Variants in DOCK1 observed in about 807,000 individuals in gnomAD.
DOCK1 encodes the protein dedicator of cytokinesis 1.
Under a neutral mutation model 262.7 loss-of-function variants are expected in DOCK1, and 138 were observed. That is an observed-to-expected ratio of 0.53 (90% CI 0.46 to 0.61). The LOEUF is 0.61. DOCK1 is among the 20% of genes least tolerant of loss of function. DOCK1 has a pLI of 0.00. For missense variants in DOCK1, 1,908 were observed against 2,370.7 expected, an observed-to-expected ratio of 0.80 and a Z score of 4.05; for synonymous variants, 866 against 867.4, an observed-to-expected ratio of 1.00 and a Z score of 0.03.
At chr10:127,285,781 C>T (rs948799633) in intron 29 of DOCK1, among the ~76,000 whole-genome samples, 2 of 152,248 alleles carry the variant, frequency 1.3e-5, no homozygotes, top group Non-Finnish European at 2.9e-5. Context: ...TCAGAGTGTG[C>T]TTCCACAGTC....
chr10:127,377,354 T>C (rs2065553211), intron 35 of DOCK1, among the ~76,000 whole-genome samples: 1 of 152,112 alleles, frequency 6.6e-6, no homozygotes, highest in Non-Finnish European at 1.5e-5. Flanking sequence ...TGTATAACCA[T>C]CTCTAAATGA....
At chr10:127,128,693 ATCCATG>A (rs2050126162) in intron 27 of DOCK1, among the ~76,000 whole-genome samples, 1 of 152,076 alleles carries the variant, frequency 6.6e-6, no homozygotes, top group African/African-American at 2.4e-5. Context: ...TTCCAGCTTC[ATCCATG>A]TCCCTGCAAA....
chr10:127,091,176 G>C (rs2047508350), intron 23 of DOCK1, among the ~76,000 whole-genome samples: 1 of 151,962 alleles, frequency 6.6e-6, no homozygotes, highest in Admixed American at 6.6e-5. Context: ...GTAGAGACGG[G>C]GTTTCACCAT....
chr10:127,407,269 C>T (rs570264137), intron 40 of DOCK1, among the ~76,000 whole-genome samples: 37 of 152,168 alleles, frequency 2.4e-4, no homozygotes, highest in Admixed American at 3.3e-4. Flanking sequence ...TTCACAGTTC[C>T]GGAGGCTGGG....
chr10:126,920,083 G>T (rs2033026911), intron 1 of DOCK1, among the ~76,000 whole-genome samples: 1 of 152,152 alleles, frequency 6.6e-6, no homozygotes, highest in Non-Finnish European at 1.5e-5. Context: ...CCCACTGGGG[G>T]CTCCATCCCG....
intron 10 of DOCK1, among the ~76,000 whole-genome samples, chr10:127,002,586 C>A (rs934599041): frequency 6.6e-6 from 1 of 152,094 alleles, no homozygotes; most frequent in African/African-American, 2.4e-5. Flanking sequence ...GGTTGGGCCC[C>A]CCAGCTCCTG....
At chr10:127,056,512 AT>A (rs2045157839) in intron 22 of DOCK1, among the ~76,000 whole-genome samples, 1 of 151,952 alleles carries the variant, frequency 6.6e-6, no homozygotes, top group Non-Finnish European at 1.5e-5. Context: ...GGGGATGTTG[AT>A]ACTCATGTTC....
At chr10:127,442,563 T>C (rs1485856733) in intron 49 of DOCK1, among the ~76,000 whole-genome samples, 1 of 152,012 alleles carries the variant, frequency 6.6e-6, no homozygotes, top group East Asian at 1.9e-4. Context: ...GGGAAAGGGC[T>C]TAGGTGGGGG....
intron 16 of DOCK1, among the ~76,000 whole-genome samples, chr10:127,028,270 G>C (rs1209561710): frequency 6.6e-6 from 1 of 152,172 alleles, no homozygotes; most frequent in Non-Finnish European, 1.5e-5. Context: ...CAGGCTACCA[G>C]ACCCCAGACC....
chr10:127,034,576 G>A (rs2043462755), intron 18 of DOCK1, among the ~76,000 whole-genome samples: 1 of 152,172 alleles, frequency 6.6e-6, no homozygotes, highest in Non-Finnish European at 1.5e-5. Context: ...GTCTCTGGAT[G>A]TGGCCTTGAT....
At chr10:126,985,758 C>G (rs2039336470) in intron 4 of DOCK1, among the ~76,000 whole-genome samples, 1 of 152,182 alleles carries the variant, frequency 6.6e-6, no homozygotes, top group Non-Finnish European at 1.5e-5. Flanking sequence ...AGCATCCTTA[C>G]TGGGAAACTT....
intron 1 of DOCK1, among the ~76,000 whole-genome samples, chr10:126,946,680 T>C (rs1294942562): frequency 1.3e-5 from 2 of 152,238 alleles, no homozygotes; most frequent in African/African-American, 4.8e-5. Context: ...TTTGTCCTTT[T>C]GTGCCTGGCT....
intron 31 of DOCK1, 60 bp from the exon 32 acceptor site, chr10:127,354,609 A>G (rs896523855): frequency 8.7e-6 from 14 of 1,600,650 alleles, no homozygotes; most frequent in African/African-American, 1.3e-5. Flanking sequence ...AAATAATTCC[A>G]GTCCGATTTT....
At chr10:126,928,675 C>T (rs1022262161) in intron 1 of DOCK1, among the ~76,000 whole-genome samples, 34 of 152,312 alleles carry the variant, frequency 2.2e-4, no homozygotes, top group Non-Finnish European at 4.3e-4. Flanking sequence ...TGCGTGATGT[C>T]CTTGTTAAGA....
At chr10:127,371,638 A>C (rs1308520846) in intron 33 of DOCK1, among the ~76,000 whole-genome samples, 1 of 152,244 alleles carries the variant, frequency 6.6e-6, no homozygotes, top group African/African-American at 2.4e-5. Context: ...CTCATTAAAC[A>C]TACATGAAAT....
At chr10:127,164,962 A>G (rs535822049) in intron 27 of DOCK1, among the ~76,000 whole-genome samples, 3 of 152,322 alleles carry the variant, frequency 2.0e-5, no homozygotes, top group African/African-American at 7.2e-5. Flanking sequence ...TGATTAACTT[A>G]TTTTCCTGGA....
intron 10 of DOCK1, among the ~76,000 whole-genome samples, chr10:127,003,080 T>C (rs1330369825): frequency 6.7e-6 from 1 of 148,544 alleles, no homozygotes; most frequent in Non-Finnish European, 1.5e-5. Context: ...GCGTGAACCT[T>C]TATGAACCTG....
chr10:126,999,251 G>T, intron 8 of DOCK1, 103 bp from the exon 9 acceptor site: 1 of 823,592 alleles, frequency 1.2e-6, no homozygotes, highest in East Asian at 2.6e-5. Flanking sequence ...ATAGTTGTCT[G>T]TATAGTGCAC....
intron 27 of DOCK1, among the ~76,000 whole-genome samples, chr10:127,246,019 G>A (rs929149605): frequency 8.5e-5 from 13 of 152,182 alleles, no homozygotes; most frequent in Admixed American, 7.9e-4. Context: ...GTCAGCGACT[G>A]CATCAGGGTC....
Sources: allele counts gnomAD v4.1 joint callset (sites outside exome capture counted in the v4.1 genomes callset), GRCh38; gene constraint gnomAD v4.1.1; transcripts MANE v1.5; gene names NCBI Gene and HGNC (gene_info 2026-07-23, HGNC 2026-07-21).